The following MAP1S variants were observed in gnomAD, a reference collection of about 807,000 sequenced individuals.
MAP1S encodes the protein microtubule-associated protein 1S.
Under a neutral mutation model 60.9 loss-of-function variants are expected in MAP1S, and 27 were observed. That is an observed-to-expected ratio of 0.44 (90% CI 0.33 to 0.61). The LOEUF is 0.61. MAP1S is among the 20% of genes least tolerant of loss of function. The probability of loss-of-function intolerance (pLI) is 0.03; values close to 1 mark genes in which losing one functional copy is unlikely to be tolerated. For missense variants in MAP1S, 1,608 were observed against 1,486.6 expected (o/e 1.08, Z -1.34); for synonymous variants, 826 against 694.2 (o/e 1.19, Z -2.98).
chr19:17,734,465 G>T lies in MAP1S; in HGVS notation c.*37G>T, dbSNP rs374673765. ...ACACGCCCCCCACTCAGCCCAGCCC[G>T]CCTGTCCCTAGATTCAGCCACATCA... On this transcript the variant is annotated 3_prime_UTR_variant, in exon 7 of 7. Transcript: ENST00000324096. 1.9e-6 allele frequency: 3 copies of T among 1,582,590 alleles called. No homozygotes were observed. Among genetic ancestry groups the T allele is most frequent in the Admixed American group, 1.7e-5 (1 of 58,304 alleles).
chr19:17,726,940 C>T lies in MAP1S; in HGVS notation c.1556C>T (p.Ala519Val), dbSNP rs1423109441. 3 of 1,571,516 alleles carry T rather than the reference C, an allele frequency of 1.9e-6. No homozygotes were observed. Among genetic ancestry groups the T allele is most frequent in the Non-Finnish European group, 1.7e-6 (2 of 1,159,166 alleles). The change falls in exon 5 of 7, where the codon GCC (alanine) becomes GTC (valine). Residue 519 changes from alanine (A) to valine (V), a missense_variant. This residue lies in a region of MAP1S where 1,167 missense variants were observed against 961.4 expected (regional missense o/e 1.21). Coordinates refer to ENST00000324096, the MANE Select transcript of MAP1S (RefSeq NM_018174.6). ...GCCCCACGCAAGACTGAGAAAGAAG[C>T]CAAGACCCCCCGGGAGTTGAAGAAA... The part of the protein sequence containing the change: ...AEAPRKTEKE[A>V]KTPRELKKDP...
chr19:17,726,409 G>C lies in MAP1S; in HGVS notation c.1025G>C (p.Cys342Ser). 6.3e-7 allele frequency: 1 copy of C among 1,576,448 alleles called. No individual in the cohort carries two copies. The highest frequency in any genetic ancestry group is 8.6e-7 in the Non-Finnish European group (1 of 1,168,542). Residue 342 changes from cysteine (C) to serine (S), a missense_variant, in exon 5 of 7, where the codon TGC becomes TCC. Cys to Ser is a moderately radical substitution (Grantham distance 112). This residue lies in a region of MAP1S where 1,167 missense variants were observed against 961.4 expected (regional missense o/e 1.21). Coordinates refer to ENST00000324096, the MANE Select transcript of MAP1S (RefSeq NM_018174.6). ...CTGGGGGTCGTGTTCTTCAACGCCT[G>C]CGAGGCCGCGTCGCGGCTGGCGCGC... The part of the protein sequence containing the change: ...PNLGVVFFNA[C>S]EAASRLARGE...
At chr19:17,721,204 C>A in intron 2 of MAP1S, 167 bp downstream of exon 2, 1 of 662,592 alleles carries the variant, frequency 1.5e-6, no homozygotes, top group Non-Finnish European at 2.7e-6. Context: ...CCTCAGTCCT[C>A]AGCAACCCAC....
chr19:17,728,064 C>T lies in MAP1S; in HGVS notation c.2680C>T (p.Arg894Cys), dbSNP rs554580208. ...AKTKGLAGGD[R>C]ASRPLSARSE... ...AACCAAGGGGCTTGCTGGTGGGGACCGTGCCAGCCGACCACTCAGTGCCCG... is the reference window on the plus strand; with the variant it reads ...AACCAAGGGGCTTGCTGGTGGGGACTGTGCCAGCCGACCACTCAGTGCCCG... The change falls in exon 5 of 7, where the codon CGT becomes TGT. Residue 894 changes from arginine to cysteine, a missense_variant. Coordinates refer to ENST00000324096, the MANE Select transcript of MAP1S (RefSeq NM_018174.6). 1.3e-4 allele frequency: 205 copies of T among 1,612,498 alleles called. 1 individual carries two copies. In the South Asian group the frequency reaches 1.6e-3, roughly 13 times the overall value.
intron 6 of MAP1S, 134 bp from the exon 7 acceptor site, chr19:17,734,139 A>G (rs2080517861): frequency 2.8e-6 from 2 of 715,774 alleles, no homozygotes; most frequent in South Asian, 3.6e-5. Context: ...GGTGGAGCAC[A>G]CAAGATCAGG....
At position 17,727,330 on chromosome 19, in the gene MAP1S, A is replaced by T. The variant is rs772925897; in HGVS notation, c.1946A>T (p.Glu649Val). Reference sequence around the variant, plus strand: ...CCTGAGTCCCACCGGAGCCCCGCAGAGGGCAGCGAGCGGCTGTCGCTGAGC... The same window carrying T: ...CCTGAGTCCCACCGGAGCCCCGCAGTGGGCAGCGAGCGGCTGTCGCTGAGC... ...PSPESHRSPA[E>V]GSERLSLSPL... The change falls in exon 5 of 7, where the codon GAG (glutamate) becomes GTG (valine). Residue 649 changes from glutamate (E) to valine (V), a missense_variant. Physicochemically the swap from Glu to Val is moderately radical, Grantham distance 121 (BLOSUM62 -2). Coordinates refer to ENST00000324096, the MANE Select transcript of MAP1S (RefSeq NM_018174.6). This position sits in a 1 kb window ranked among gnomAD's most constrained non-coding sequence, Gnocchi z 4.1. 23 of 1,590,678 alleles carry T rather than the reference A, an allele frequency of 1.4e-5. No homozygotes were observed. Among genetic ancestry groups the T allele is most frequent in the Non-Finnish European group, 1.7e-5 (20 of 1,172,782 alleles).
chr19:17,721,846 C>A (rs1490105606), intron 2 of MAP1S, among the ~76,000 whole-genome samples: 1 of 152,138 alleles, frequency 6.6e-6, no homozygotes, highest in African/African-American at 2.4e-5. Flanking sequence ...AAGAAGGGCC[C>A]AACTCAGCAC....
chr19:17,724,321 G>A (rs951237141), intron 3 of MAP1S, 113 bp downstream of exon 3: 16 of 822,808 alleles, frequency 1.9e-5, no homozygotes, highest in Middle Eastern at 2.2e-4. Context: ...CAAGACACCC[G>A]GCACCACACT....
chr19:17,720,792 GGT>G, intron 1 of MAP1S, 142 bp from the exon 2 acceptor site: 1 of 712,642 alleles, frequency 1.4e-6, no homozygotes, highest in East Asian at 2.5e-5. Flanking sequence ...GAGACCTGAA[GGT>G]GTTGGGTACT....
chr19:17,719,589 C>G lies in MAP1S; in HGVS notation c.87C>G (p.Leu29=), dbSNP rs1162544276. 15 of 1,245,418 alleles carry G rather than the reference C, an allele frequency of 1.2e-5. No individual in the cohort carries two copies. The highest frequency in any genetic ancestry group is 1.5e-5 in the Non-Finnish European group (15 of 987,234). 77.1% of individuals were successfully genotyped at this position (1,245,418 alleles called of 1,614,324 possible). ...VVGSEFGSPG[L]LTYVLEELER... is the part of the protein sequence containing the mutation. Reference sequence around the variant, plus strand: ...GCAGCGAGTTCGGGAGCCCGGGGCTCCTCACCTACGTCCTGGAGGAGCTCG... The same window carrying G: ...GCAGCGAGTTCGGGAGCCCGGGGCTGCTCACCTACGTCCTGGAGGAGCTCG... Residue 29 remains leucine (L), a synonymous_variant, in exon 1 of 7, where the codon CTC becomes CTG. Transcript: ENST00000324096.
chr19:17,727,109 G>A lies in MAP1S; in HGVS notation c.1725G>A (p.Pro575=), dbSNP rs111421885. 3.1e-4 allele frequency: 491 copies of A among 1,600,296 alleles called. 11 individuals are homozygous for A. The Admixed American group carries it at 8.0e-3, about 26-fold the overall frequency. Residue 575 remains proline, a synonymous_variant, in exon 5 of 7, where the codon CCG becomes CCA. Transcript: ENST00000324096. The surrounding 1 kb of genome is among the most constrained non-coding windows in gnomAD (Gnocchi z 4.1). ...APSTSHSGFP[P]VANGPRSPPS... ...GCACGTCCCACTCTGGCTTCCCGCC[G>A]GTGGCAAATGGACCCCGCAGCCCGC...
chr19:17,725,974 C>T lies in MAP1S; in HGVS notation c.590C>T (p.Pro197Leu). ...CTCCGGCTCCAGCTGCGGCTGAACC[C>T]CCCGGCGCAGCTGCCCAACTCTGAG... Reference protein sequence around the residue: ...GALRLQLRLNPPAQLPNSEGL... With the variant: ...GALRLQLRLNLPAQLPNSEGL... The change falls in exon 5 of 7, where the codon CCC becomes CTC. Residue 197 changes from proline to leucine, a missense_variant. Coordinates refer to ENST00000324096, the MANE Select transcript of MAP1S (RefSeq NM_018174.6). The surrounding 1 kb of genome is among the most constrained non-coding windows in gnomAD (Gnocchi z 4.2). 1.2e-6 allele frequency: 2 copies of T among 1,612,486 alleles called. No individual in the cohort carries two copies. Among genetic ancestry groups the T allele is most frequent in the Non-Finnish European group, 1.7e-6 (2 of 1,179,428 alleles).
chr19:17,730,895 CTTTTTTT>C (rs779442592), intron 5 of MAP1S, among the ~76,000 whole-genome samples: 1 of 134,758 alleles, frequency 7.4e-6, no homozygotes, highest in Non-Finnish European at 1.6e-5. Context: ...TTTTCTTTTT[CTTTTTTT>C]TTTTTTTCAG....
At chr19:17,731,503 T>G (rs550544225) in intron 5 of MAP1S, among the ~76,000 whole-genome samples, 3 of 152,236 alleles carry the variant, frequency 2.0e-5, no homozygotes, top group Admixed American at 6.5e-5. Context: ...TTTTGATTAC[T>G]GTAGCTTTGT....
intron 5 of MAP1S, among the ~76,000 whole-genome samples, chr19:17,732,644 C>G (rs1056426628): frequency 5.3e-5 from 8 of 152,236 alleles, no homozygotes; most frequent in Non-Finnish European, 1.0e-4. Context: ...GTTTCAGGGC[C>G]TGGTGCCCAT....
Position 17,727,812 on chromosome 19 carries a change from G to A in MAP1S, c.2428G>A (p.Asp810Asn). 6.2e-7 allele frequency: 1 copy of A among 1,613,294 alleles called. No individual in the cohort carries two copies. Among genetic ancestry groups the A allele is most frequent in the Non-Finnish European group, 8.5e-7 (1 of 1,179,826 alleles). Reference protein sequence around the residue: ...VPLAPGAADSDEDTEGFGVPR... With the variant: ...VPLAPGAADSNEDTEGFGVPR... ...CCTGGCCCCCGGTGCGGCAGACTCA[G>A]ACGAAGACACAGAGGGCTTTGGAGT... is the stretch of plus-strand genomic sequence containing the variant. The change falls in exon 5 of 7, where the codon GAC (aspartate) becomes AAC (asparagine). Residue 810 changes from aspartate (D) to asparagine (N), a missense_variant. By Grantham distance (23) the Asp-to-Asn change is conservative. Around this residue, in one of 4 missense-constraint regions of MAP1S, gnomAD observed 1,167 missense variants for 961.4 expected, o/e 1.21. Transcript: ENST00000324096. This position sits in a 1 kb window ranked among gnomAD's most constrained non-coding sequence, Gnocchi z 4.1.
In MAP1S at chr19:17,725,437, TG is replaced by T. The variant is rs1449540661; in HGVS notation, c.444+251del. The stretch of plus-strand genomic sequence containing the variant: ...AGTCCTGATGAGGGATGGAGCCAAA[TG>T]GGTCCTTCCTGGTGCCCGCAGTCTG... On this transcript the variant is annotated intron_variant, in intron 4 of 6. Transcript: ENST00000324096. The surrounding 1 kb of genome is among the most constrained non-coding windows in gnomAD (Gnocchi z 4.2). 6.6e-6 allele frequency among the ~76,000 whole-genome samples: 1 copy of T among 152,164 alleles called. No individual in the cohort carries two copies. Among genetic ancestry groups the T allele is most frequent in the East Asian group, 1.9e-4 (1 of 5,182 alleles).
At chr19:17,730,010 G>A (rs1372927565) in intron 5 of MAP1S, among the ~76,000 whole-genome samples, 1 of 152,070 alleles carries the variant, frequency 6.6e-6, no homozygotes, top group Non-Finnish European at 1.5e-5. Context: ...GTCTCACTAT[G>A]TTGCCCTGGC....
rs2080396807 is a variant in MAP1S, at chr19:17,724,211, A to C, written c.303+3A>C. The C allele has an allele frequency of 6.2e-7, 1 of 1,613,252 alleles. No individual in the cohort carries two copies. The highest frequency in any genetic ancestry group is 1.3e-5 in the African/African-American group (1 of 74,918). On this transcript the variant is annotated splice_donor_region_variant and intron_variant, in intron 3 of 6. Transcript: ENST00000324096. ...CAGACAAGTCCCTGTATGATGAGGT[A>C]GGGAATGGCTGACGTCCTGGAGGGG...
Sources: gnomAD v4.1 joint callset for allele counts (sites outside exome capture counted in the v4.1 genomes callset) on GRCh38, gnomAD v4.1.1 for gene constraint, gnomAD v4.1.1 regional missense constraint, Gnocchi (gnomAD v3.1) non-coding constraint, MANE v1.5 for transcripts, NCBI Gene and HGNC (gene_info 2026-07-23, HGNC 2026-07-21) for gene names.